SH3BP4: variants seen among roughly 807,000 people sequenced by gnomAD.
SH3BP4 encodes SH3 domain-binding protein 4.
A neutral mutation model predicts 65.5 loss-of-function variants in SH3BP4; 33 were observed. The observed-to-expected ratio is 0.50, with a 90% CI of 0.38 to 0.67. The LOEUF (loss-of-function observed/expected upper bound fraction) is 0.67, where lower values mean the gene tolerates loss of function less well. Ranked by LOEUF, SH3BP4 falls within the 30% of genes least tolerant of loss-of-function variation. The pLI, the probability that SH3BP4 is intolerant of heterozygous loss-of-function variation, is 0.00. For synonymous variants in SH3BP4, 552 were observed against 545.5 expected (o/e 1.01, Z -0.17); for missense variants, 1,134 against 1,261.4 (o/e 0.90, Z 1.53).
In SH3BP4 at chr2:235,035,625, C is replaced by T. The variant is rs994030607; in HGVS notation, c.118+505C>T. 1.3e-5 allele frequency among the ~76,000 whole-genome samples: 2 copies of T among 152,216 alleles called. No individual in the cohort carries two copies. Among genetic ancestry groups the T allele is most frequent in the African/African-American group, 2.4e-5 (1 of 41,438 alleles). On this transcript the variant is annotated intron_variant, in intron 3 of 5. Coordinates refer to ENST00000392011, the MANE Select transcript of SH3BP4 (RefSeq NM_014521.3). The surrounding 1 kb of genome is among the most constrained non-coding windows in gnomAD (Gnocchi z 5.0). ...AGTTAAGTCATTAAATAGCCAGAGT[C>T]GTGTTTCCAAGACAACTTTTTTTTT...
intron 1 of SH3BP4, among the ~76,000 whole-genome samples, chr2:234,980,744 G>A (rs1369888131): frequency 1.3e-5 from 2 of 152,054 alleles, no homozygotes; most frequent in African/African-American, 2.4e-5. Context: ...TTCACTTGGG[G>A]GGATGGTCTG....
At chr2:235,023,086 A>G (rs1236224979) in intron 2 of SH3BP4, among the ~76,000 whole-genome samples, 1 of 152,338 alleles carries the variant, frequency 6.6e-6, no homozygotes, top group East Asian at 1.9e-4. Context: ...GGAGTTGGGA[A>G]TCCTGGAGTT....
chr2:234,955,320 C>G (rs1692561915), intron 1 of SH3BP4, among the ~76,000 whole-genome samples: 1 of 152,172 alleles, frequency 6.6e-6, no homozygotes, highest in Non-Finnish European at 1.5e-5. Flanking sequence ...GGCTCCCCAG[C>G]TATTTGCACG....
chr2:235,049,449 G>C (rs1695976025), intron 4 of SH3BP4, among the ~76,000 whole-genome samples: 1 of 152,210 alleles, frequency 6.6e-6, no homozygotes, highest in Non-Finnish European at 1.5e-5. Flanking sequence ...AAAGAGCTGA[G>C]TTGGGGACAT....
rs201220067 is a variant in SH3BP4 at position 235,041,712 on chromosome 2, G to C, written c.943G>C (p.Val315Leu). ...CCCTGGTTGGGGCCAGACCCAAGCCGTGGAGACAAACATCGTGTGCAAGCT... is the reference window on the plus strand; with the variant it reads ...CCCTGGTTGGGGCCAGACCCAAGCCCTGGAGACAAACATCGTGTGCAAGCT... ...QSPGWGQTQA[V>L]ETNIVCKLDS... Residue 315 changes from valine to leucine, a missense_variant, in exon 4 of 6, where the codon GTG becomes CTG. Physicochemically the swap from Val to Leu is conservative, Grantham distance 32. Transcript: ENST00000392011. The surrounding 1 kb of genome is among the most constrained non-coding windows in gnomAD (Gnocchi z 6.0). The C allele has an allele frequency of 6.2e-7, 1 of 1,612,066 alleles. No homozygotes were observed.
At position 235,042,206 on chromosome 2, in the gene SH3BP4, C is replaced by T. The variant is rs746946000; in HGVS notation, c.1437C>T (p.Tyr479=). ...FINKKVTVGL[Y]GPKHIHPSFK... is the part of the protein sequence containing the mutation. ...ATAAAAAAGTCACAGTGGGTCTCTACGGCCCTAAACACATCCACCCATCCT... is the reference window on the plus strand; with the variant it reads ...ATAAAAAAGTCACAGTGGGTCTCTATGGCCCTAAACACATCCACCCATCCT... The change falls in exon 4 of 6, where the codon TAC becomes TAT. Residue 479 remains tyrosine, a synonymous_variant. Transcript: ENST00000392011. The surrounding 1 kb of genome is among the most constrained non-coding windows in gnomAD (Gnocchi z 7.3). 1.5e-5 allele frequency: 24 copies of T among 1,614,070 alleles called. No homozygotes were observed. In the East Asian group the frequency reaches 1.8e-4, roughly 12 times the overall value.
intron 1 of SH3BP4, among the ~76,000 whole-genome samples, chr2:234,993,630 T>G (rs953130031): frequency 6.6e-6 from 1 of 152,216 alleles, no homozygotes; most frequent in Admixed American, 6.5e-5. Flanking sequence ...ATTCGTAGTT[T>G]CACTTCCCCC....
At chr2:235,025,706 C>T (rs1305572089) in intron 2 of SH3BP4, among the ~76,000 whole-genome samples, 2 of 152,162 alleles carry the variant, frequency 1.3e-5, no homozygotes, top group Admixed American at 1.3e-4. Flanking sequence ...ATGAACAGTG[C>T]GATGCCTGGG....
rs1197444492 is a variant in SH3BP4 at position 234,974,234 on chromosome 2, G to A, written c.-206-21069G>A. On this transcript the variant is annotated intron_variant, in intron 1 of 5. Coordinates refer to ENST00000392011, the MANE Select transcript of SH3BP4 (RefSeq NM_014521.3). The surrounding 1 kb of genome is among the most constrained non-coding windows in gnomAD (Gnocchi z 4.6). ...TACAAAATTAGCCGGGCATGGTGGC[G>A]CACACCTGTAATCCCAACTACTCAG... is the stretch of plus-strand genomic sequence containing the variant. 1.3e-5 allele frequency among the ~76,000 whole-genome samples: 2 copies of A among 152,008 alleles called. No homozygotes were observed. Among genetic ancestry groups the A allele is most frequent in the Non-Finnish European group, 2.9e-5 (2 of 68,014 alleles).
intron 1 of SH3BP4, among the ~76,000 whole-genome samples, chr2:234,986,869 A>G (rs996835774): frequency 1.3e-5 from 2 of 151,822 alleles, no homozygotes; most frequent in Non-Finnish European, 2.9e-5. Context: ...CAATGGCTCA[A>G]TCTTGGCTTG....
intron 3 of SH3BP4, among the ~76,000 whole-genome samples, chr2:235,040,330 G>A (rs1263048595): frequency 6.6e-6 from 1 of 152,074 alleles, no homozygotes; most frequent in Non-Finnish European, 1.5e-5. Flanking sequence ...AGTTTGGTGA[G>A]GAACAGGTTG....
rs1695020910 is a variant in SH3BP4 at position 235,026,960 on chromosome 2, G to A, written c.-132-7911G>A. On this transcript the variant is annotated intron_variant, in intron 2 of 5. Coordinates refer to ENST00000392011, the MANE Select transcript of SH3BP4 (RefSeq NM_014521.3). This position sits in a 1 kb window ranked among gnomAD's most constrained non-coding sequence, Gnocchi z 4.6. ...TTCCTCCTGTGCCCTGGGTGCATTAGGCGAGATCAGGCACGTTCAGGGTGA... is the reference window on the plus strand; with the variant it reads ...TTCCTCCTGTGCCCTGGGTGCATTAAGCGAGATCAGGCACGTTCAGGGTGA... Among the ~76,000 whole-genome samples the A allele has an allele frequency of 6.6e-6, 1 of 152,224 alleles. No homozygotes were observed. Among genetic ancestry groups the A allele is most frequent in the African/African-American group, 2.4e-5 (1 of 41,458 alleles).
chr2:234,993,116 C>G (rs772464182), intron 1 of SH3BP4, among the ~76,000 whole-genome samples: 3 of 152,228 alleles, frequency 2.0e-5, no homozygotes, highest in African/African-American at 7.2e-5. Context: ...GGCTTGTTGT[C>G]CCTGCCTTGG....
intron 3 of SH3BP4, among the ~76,000 whole-genome samples, chr2:235,040,080 C>A (rs1317298009): frequency 6.6e-6 from 1 of 151,952 alleles, no homozygotes; most frequent in Non-Finnish European, 1.5e-5. Flanking sequence ...ACTAAAAATA[C>A]AAAAATTAGC....
chr2:234,969,879 T>C (rs1335781705), intron 1 of SH3BP4, among the ~76,000 whole-genome samples: 1 of 151,466 alleles, frequency 6.6e-6, no homozygotes, highest in Non-Finnish European at 1.5e-5. Flanking sequence ...TCTCACACAC[T>C]CTCGCTGTCT....
Position 234,952,848 on chromosome 2 carries a change from G to GCGAT in SH3BP4, c.-207+679_-207+682dup, listed in dbSNP as rs1404884803. ...GGGATAGAGGCGCGTTGTTCTCTGA[G>GCGAT]CGATGTTTACCGAGAAGCCCGCTCC... is the stretch of plus-strand genomic sequence containing the variant. On this transcript the variant is annotated intron_variant, in intron 1 of 5. Transcript: ENST00000392011. The surrounding 1 kb of genome is among the most constrained non-coding windows in gnomAD (Gnocchi z 6.5). The GCGAT allele has an allele frequency of 1.3e-5, 2 of 152,212 alleles. No individual in the cohort carries two copies. Among genetic ancestry groups the GCGAT allele is most frequent in the Non-Finnish European group, 2.9e-5 (2 of 68,050 alleles). 9.4% of individuals were successfully genotyped at this position (152,212 alleles called of 1,614,324 possible).
rs1191403034 is a variant in SH3BP4, at chr2:235,021,891, G to A, written c.-132-12980G>A. Among the ~76,000 whole-genome samples, 5 of 152,250 alleles carry A rather than the reference G, an allele frequency of 3.3e-5. No individual in the cohort carries two copies. In the East Asian group the frequency reaches 9.7e-4, roughly 29 times the overall value. On this transcript the variant is annotated intron_variant, in intron 2 of 5. Transcript: ENST00000392011. ...CACATGAGTCAGAAGGGGACAAATTGTTCAGGAATTCATGCAGGAGTAATT... is the reference window on the plus strand; with the variant it reads ...CACATGAGTCAGAAGGGGACAAATTATTCAGGAATTCATGCAGGAGTAATT...
At position 234,991,945 on chromosome 2, in the gene SH3BP4, G is replaced by C; in HGVS notation, c.-206-3358G>C. On this transcript the variant is annotated intron_variant, in intron 1 of 5. Transcript: ENST00000392011. This position sits in a 1 kb window ranked among gnomAD's most constrained non-coding sequence, Gnocchi z 4.2. ...GGCAGCTGGGTCCCCCCATACTTAG[G>C]CATGAGGTATGAGTTTACCCAATCA... Among the ~76,000 whole-genome samples, 1 of 152,196 alleles carries C rather than the reference G, an allele frequency of 6.6e-6. No individual in the cohort carries two copies.
At position 235,000,462 on chromosome 2, in the gene SH3BP4, G is replaced by T. The variant is rs566998067; in HGVS notation, c.-133+5086G>T. On this transcript the variant is annotated intron_variant, in intron 2 of 5. Coordinates refer to ENST00000392011, the MANE Select transcript of SH3BP4 (RefSeq NM_014521.3). ...GGTTCCAGGGGATATGAAGGTCAGA[G>T]GAGGGATTAGCATGATCCACTGGCC... 3.9e-5 allele frequency among the ~76,000 whole-genome samples: 6 copies of T among 152,340 alleles called. No individual in the cohort carries two copies. In the South Asian group the frequency reaches 1.2e-3, roughly 32 times the overall value.
Sources: allele counts gnomAD v4.1 joint callset (sites outside exome capture counted in the v4.1 genomes callset), GRCh38; gene constraint gnomAD v4.1.1; non-coding constraint Gnocchi (gnomAD v3.1); transcripts MANE v1.5; gene names NCBI Gene and HGNC (gene_info 2026-07-23, HGNC 2026-07-21).